FYB2: variants seen among roughly 807,000 people sequenced by gnomAD.
FYB2 encodes the protein FYN binding protein 2, also known as FYN-binding protein 2.
In FYB2, 103 loss-of-function variants were observed where a neutral mutation model predicts 94.1. The ratio of observed to expected loss-of-function variants is 1.09; its 90% CI spans 0.93 to 1.29. The LOEUF (loss-of-function observed/expected upper bound fraction) is 1.29. Ranked by LOEUF, FYB2 falls within the 50% of genes most tolerant of loss-of-function variation. The pLI is 0.00. For missense variants in FYB2, 896 were observed against 841.5 expected, an observed-to-expected ratio of 1.06 and a Z score of -0.80; for synonymous variants, 293 against 287.9, an observed-to-expected ratio of 1.02 and a Z score of -0.18.
intron 4 of FYB2, among the ~76,000 whole-genome samples, chr1:56,768,699 C>T (rs1015219834): frequency 6.6e-6 from 1 of 152,102 alleles, no homozygotes; most frequent in Non-Finnish European, 1.5e-5. Context: ...AAAACAAATT[C>T]CCACTCAAAA....
intron 15 of FYB2, among the ~76,000 whole-genome samples, chr1:56,731,095 A>G (rs75214882): frequency 0.013 from 2,027 of 151,980 alleles, 32 homozygotes; most frequent in South Asian, 0.07. Context: ...ACAAAACAAA[A>G]CAAAAAAACC....
chr1:56,753,782 C>T lies in FYB2; in HGVS notation c.1227+57G>A. 7 of 1,224,772 alleles carry T rather than the reference C, an allele frequency of 5.7e-6. 1 individual carries two copies. The South Asian group carries it at 7.6e-5, about 13-fold the overall frequency. The allele number at this position is 1,224,772 out of a possible 1,614,324, so 75.9% of individuals were successfully genotyped here. A position where few individuals can be genotyped will look rare whatever the true frequency, so the allele number is the denominator to read the frequency against. ...AGCTCTCTCAGGCCATATAAAGTCA[C>T]CCCCATGAACTGATCTGTTATATGT... On this transcript the variant is annotated intron_variant, in intron 8 of 19. Coordinates refer to ENST00000343433, the MANE Select transcript of FYB2 (RefSeq NM_001004303.5).
intron 1 of FYB2, among the ~76,000 whole-genome samples, chr1:56,813,141 C>A (rs1646805407): frequency 6.6e-6 from 1 of 152,174 alleles, no homozygotes; most frequent in Admixed American, 6.5e-5. Context: ...TCAAATTCCC[C>A]CATTTTATAA....
chr1:56,740,665 C>T (rs778856658), intron 13 of FYB2, 32 bp downstream of exon 13: 28 of 1,330,142 alleles, frequency 2.1e-5, no homozygotes, highest in Non-Finnish European at 2.3e-5. Context: ...GGTTAATCCC[C>T]TCGTGGAAAG....
intron 12 of FYB2, 22 bp downstream of exon 12, chr1:56,742,139 G>A (rs1644969300): frequency 6.3e-7 from 1 of 1,591,914 alleles, no homozygotes; most frequent in Non-Finnish European, 8.6e-7. Flanking sequence ...AGCCTACAAA[G>A]CCAAGAAAGA....
chr1:56,731,485 G>T (rs893359073), intron 15 of FYB2, among the ~76,000 whole-genome samples: 4 of 152,012 alleles, frequency 2.6e-5, no homozygotes, highest in Non-Finnish European at 5.9e-5. Context: ...TGGCCAACTG[G>T]GAACCATTCT....
In FYB2 at chr1:56,819,385, A is replaced by C; in HGVS notation, c.-95T>G. The C allele has an allele frequency of 1.3e-6, 2 of 1,551,072 alleles. No homozygotes were observed. Among genetic ancestry groups the C allele is most frequent in the Non-Finnish European group, 1.8e-6 (2 of 1,127,920 alleles). On this transcript the variant is annotated 5_prime_UTR_variant, in exon 1 of 20. Coordinates refer to ENST00000343433, the MANE Select transcript of FYB2 (RefSeq NM_001004303.5). ...CCGCTTTCCTCTGTCTCTGCTAGCCAGGGAGCAATCACTTCCCACAGGACA... is the reference window on the plus strand; with the variant it reads ...CCGCTTTCCTCTGTCTCTGCTAGCCCGGGAGCAATCACTTCCCACAGGACA...
chr1:56,789,573 C>T (rs1646214668), intron 2 of FYB2, among the ~76,000 whole-genome samples: 1 of 152,210 alleles, frequency 6.6e-6, no homozygotes, highest in Non-Finnish European at 1.5e-5. Flanking sequence ...AACTTCAATT[C>T]ATTCTTTTAA....
At chr1:56,734,438 A>T (rs1341686002) in intron 15 of FYB2, among the ~76,000 whole-genome samples, 7 of 152,252 alleles carry the variant, frequency 4.6e-5, no homozygotes, top group South Asian at 4.2e-4. Flanking sequence ...GATAGACTGG[A>T]TTAAGAAAAC....
At chr1:56,750,252 G>C (rs2100680174) in intron 9 of FYB2, among the ~76,000 whole-genome samples, 1 of 152,116 alleles carries the variant, frequency 6.6e-6, no homozygotes, top group South Asian at 2.1e-4. Flanking sequence ...TATATGCATT[G>C]ACAAATAGCC....
chr1:56,819,276 C>T lies in FYB2; in HGVS notation c.9+6G>A. The T allele has an allele frequency of 1.2e-6, 2 of 1,614,220 alleles. No individual in the cohort carries two copies. The highest frequency in any genetic ancestry group is 1.7e-6 in the Non-Finnish European group (2 of 1,180,036). Reference sequence around the variant, plus strand: ...AAAGCCAGCAACAAAACTGAGACAGCCTTACCCCTTCCATTGCTTTCCTCC... The same window carrying T: ...AAAGCCAGCAACAAAACTGAGACAGTCTTACCCCTTCCATTGCTTTCCTCC... On this transcript the variant is annotated splice_donor_region_variant and intron_variant, in intron 1 of 19. Transcript: ENST00000343433.
intron 4 of FYB2, among the ~76,000 whole-genome samples, chr1:56,772,235 C>T (rs1205536659): frequency 6.6e-6 from 1 of 152,036 alleles, no homozygotes; most frequent in Non-Finnish European, 1.5e-5. Flanking sequence ...GATGTCTAAT[C>T]AATTTCTTAG....
chr1:56,757,687 C>CTTCCTTTTTTTT (rs1293394860), intron 6 of FYB2, among the ~76,000 whole-genome samples: 1 of 71,940 alleles, frequency 1.4e-5, no homozygotes, highest in Non-Finnish European at 2.6e-5. Flanking sequence ...TCCTTCCTTC[C>CTTCCTTTTTTTT]TTCTTTCTTT....
At chr1:56,758,795 C>T in intron 5 of FYB2, 45 bp from the exon 6 acceptor site, 1 of 1,438,264 alleles carries the variant, frequency 7.0e-7, no homozygotes, top group Non-Finnish European at 9.6e-7. Context: ...CTGATCCACC[C>T]ATTTCTTATA....
intron 1 of FYB2, among the ~76,000 whole-genome samples, chr1:56,804,108 C>T (rs1398683446): frequency 6.6e-6 from 1 of 152,214 alleles, no homozygotes; most frequent in Non-Finnish European, 1.5e-5. Flanking sequence ...ACATGTCTTA[C>T]AGCACTTCAT....
chr1:56,780,503 C>T (rs958787386), intron 4 of FYB2, among the ~76,000 whole-genome samples: 7 of 152,154 alleles, frequency 4.6e-5, no homozygotes, highest in Non-Finnish European at 1.0e-4. Flanking sequence ...AGAGGCTGTG[C>T]TCTGGATCCA....
At chr1:56,803,563 A>C (rs1646570130) in intron 1 of FYB2, among the ~76,000 whole-genome samples, 1 of 152,212 alleles carries the variant, frequency 6.6e-6, no homozygotes, top group African/African-American at 2.4e-5. Context: ...GCCTCACACA[A>C]AAATGTTGCA....
At chr1:56,801,677 G>C (rs992267345) in intron 1 of FYB2, among the ~76,000 whole-genome samples, 1 of 152,080 alleles carries the variant, frequency 6.6e-6, no homozygotes, top group Non-Finnish European at 1.5e-5. Context: ...CTTTTCTGGT[G>C]CCCCAACTCC....
chr1:56,777,360 T>G (rs1268871539), intron 4 of FYB2, among the ~76,000 whole-genome samples: 1 of 151,496 alleles, frequency 6.6e-6, no homozygotes, highest in East Asian at 1.9e-4. Flanking sequence ...TCCAAGGTTA[T>G]CTGACTCCTA....
Sources: gnomAD v4.1 joint callset for allele counts (sites outside exome capture counted in the v4.1 genomes callset) on GRCh38, gnomAD v4.1.1 for gene constraint, MANE v1.5 for transcripts, NCBI Gene and HGNC (gene_info 2026-07-23, HGNC 2026-07-21) for gene names.